Variants in SDS observed in about 807,000 individuals in gnomAD.
SDS encodes L-serine dehydratase/L-threonine deaminase.
In SDS, 19 loss-of-function variants were observed where a neutral mutation model predicts 29.3. The ratio of observed to expected loss-of-function variants is 0.65; its 90% CI spans 0.45 to 0.95. SDS has a LOEUF of 0.95. SDS is among the 40% of genes least tolerant of loss of function. The pLI, the probability that SDS is intolerant of heterozygous loss-of-function variation, is 0.00. For missense variants in SDS, 375 were observed against 439.9 expected (o/e 0.85, Z 1.32); for synonymous variants, 176 against 189.0 (o/e 0.93, Z 0.56).
intron 1 of SDS, among the ~76,000 whole-genome samples, chr12:113,400,677 GA>G (rs1480218703): frequency 5.3e-5 from 8 of 151,454 alleles, no homozygotes; most frequent in Non-Finnish European, 1.0e-4. Flanking sequence ...TTTTTTATTT[GA>G]ATTTTTTTTT....
chr12:113,396,491 C>CTTTCCTTT (rs1490831728), intron 6 of SDS: 1 of 137,336 alleles, frequency 7.3e-6, no homozygotes, highest in African/African-American at 2.8e-5. Context: ...CTCTCTCTTT[C>CTTTCCTTT]TTTCCTCTTC....
At chr12:113,393,229 TG>T in intron 7 of SDS, 80 bp from the exon 8 acceptor site, 1 of 1,329,318 alleles carries the variant, frequency 7.5e-7, no homozygotes. Context: ...TGGCAGGACC[TG>T]GGAATACTGA....
intron 6 of SDS, among the ~76,000 whole-genome samples, chr12:113,396,344 C>T (rs563012374): frequency 3.8e-4 from 55 of 143,798 alleles, no homozygotes; most frequent in African/African-American, 1.4e-3. Flanking sequence ...CTCCCTTTTT[C>T]CTTTCCTTTC....
At chr12:113,399,024 A>C in intron 3 of SDS, 88 bp downstream of exon 3, 2 of 1,581,658 alleles carry the variant, frequency 1.3e-6, no homozygotes, top group South Asian at 2.2e-5. Context: ...TCAGTGGCAC[A>C]TTGCTGGGGA....
chr12:113,392,933 G>T lies in SDS; in HGVS notation c.*8C>A. On this transcript the variant is annotated 3_prime_UTR_variant, in exon 8 of 8. Transcript: ENST00000257549. Reference sequence around the variant, plus strand: ...CTAGGAGAGCACAGATCGGTAAGGGGTCCGTCCTCACTTGGGCAACCTATT... The same window carrying T: ...CTAGGAGAGCACAGATCGGTAAGGGTTCCGTCCTCACTTGGGCAACCTATT... The T allele has an allele frequency of 6.2e-7, 1 of 1,613,292 alleles. No homozygotes were observed. Among genetic ancestry groups the T allele is most frequent in the Non-Finnish European group, 8.5e-7 (1 of 1,179,310 alleles).
chr12:113,399,789 G>T, intron 1 of SDS, 79 bp from the exon 2 acceptor site: 1 of 1,344,866 alleles, frequency 7.4e-7, no homozygotes, highest in Non-Finnish European at 9.7e-7. Flanking sequence ...CCCTTCCTTC[G>T]CTTCCCAGCA....
chr12:113,399,482 C>T, intron 2 of SDS, 74 bp downstream of exon 2: 1 of 1,428,550 alleles, frequency 7.0e-7, no homozygotes. Context: ...TAATTTCACA[C>T]AGCACTGGCC....
intron 1 of SDS, among the ~76,000 whole-genome samples, chr12:113,402,888 C>T (rs1957693119): frequency 6.6e-6 from 1 of 152,190 alleles, no homozygotes; most frequent in African/African-American, 2.4e-5. Flanking sequence ...AGGGAGGGAG[C>T]CCTGAAGCCG....
At chr12:113,398,928 C>A in intron 3 of SDS, 82 bp from the exon 4 acceptor site, 1 of 1,528,434 alleles carries the variant, frequency 6.5e-7, no homozygotes, top group South Asian at 1.2e-5. Context: ...CTACTGGGGG[C>A]TCTGGAGTTC....
intron 1 of SDS, among the ~76,000 whole-genome samples, 171 bp downstream of exon 1, chr12:113,403,597 G>C (rs1167413879): frequency 6.6e-6 from 1 of 151,986 alleles, no homozygotes; most frequent in Non-Finnish European, 1.5e-5. Context: ...TTGAACTTGT[G>C]GCCTCAAGCA....
chr12:113,402,465 G>T (rs1957689859), intron 1 of SDS, among the ~76,000 whole-genome samples: 1 of 152,090 alleles, frequency 6.6e-6, no homozygotes, highest in Non-Finnish European at 1.5e-5. Flanking sequence ...AATAATTTTT[G>T]CATTTTTAGT....
At chr12:113,393,334 C>A (rs1957623564) in intron 7 of SDS, among the ~76,000 whole-genome samples, 185 bp from the exon 8 acceptor site, 1 of 152,216 alleles carries the variant, frequency 6.6e-6, no homozygotes, top group African/African-American at 2.4e-5. Flanking sequence ...TGAGCCAGGG[C>A]CTGGGTTTCA....
At chr12:113,393,411 G>A (rs553108620) in intron 7 of SDS, among the ~76,000 whole-genome samples, 77 of 152,358 alleles carry the variant, frequency 5.1e-4, no homozygotes, top group African/African-American at 1.8e-3. Context: ...GGATTCTGAG[G>A]CATCATCTGA....
At chr12:113,394,188 C>G (rs903984510) in intron 6 of SDS, among the ~76,000 whole-genome samples, 172 bp from the exon 7 acceptor site, 2 of 152,104 alleles carry the variant, frequency 1.3e-5, no homozygotes, top group African/African-American at 4.8e-5. Context: ...TCAGGGATCC[C>G]CAAACCAAGT....
chr12:113,396,413 CTT>C (rs1447392945), intron 6 of SDS, among the ~76,000 whole-genome samples: 1 of 143,702 alleles, frequency 7.0e-6, no homozygotes, highest in Non-Finnish European at 1.5e-5. Context: ...TCTCTTTTTT[CTT>C]TCTTTCTCTC....
intron 1 of SDS, among the ~76,000 whole-genome samples, chr12:113,401,092 C>A: frequency 6.6e-6 from 1 of 152,176 alleles, no homozygotes; most frequent in South Asian, 2.1e-4. Context: ...CCAGCCTCGT[C>A]TACAGATCGA....
At chr12:113,394,987 T>C (rs1957636165) in intron 6 of SDS, among the ~76,000 whole-genome samples, 1 of 152,182 alleles carries the variant, frequency 6.6e-6, no homozygotes, top group African/African-American at 2.4e-5. Context: ...GAGAAAGTGT[T>C]AGGTGCCAAG....
intron 1 of SDS, among the ~76,000 whole-genome samples, chr12:113,400,390 T>G (rs1169841283): frequency 1.3e-5 from 2 of 151,650 alleles, no homozygotes; most frequent in African/African-American, 4.8e-5. Context: ...GGAGCATCAC[T>G]TGAACCGAGG....
At chr12:113,399,058 T>C in intron 3 of SDS, 54 bp downstream of exon 3, 1 of 1,604,450 alleles carries the variant, frequency 6.2e-7, no homozygotes, top group East Asian at 2.2e-5. Context: ...AGAAGCAGAG[T>C]GTCTGATCCC....
Sources: allele counts gnomAD v4.1 joint callset (sites outside exome capture counted in the v4.1 genomes callset), GRCh38; gene constraint gnomAD v4.1.1; transcripts MANE v1.5; gene names NCBI Gene and HGNC (gene_info 2026-07-23, HGNC 2026-07-21).